The following CCDC116 variants were observed in gnomAD, a reference collection of about 807,000 sequenced individuals.
CCDC116 encodes the protein coiled-coil domain-containing protein 116.
A neutral mutation model predicts 29.4 loss-of-function variants in CCDC116; 24 were observed. The ratio of observed to expected loss-of-function variants is 0.82; its 90% CI spans 0.59 to 1.15. The LOEUF is 1.15. Ranked by LOEUF, CCDC116 falls within the 50% of genes most tolerant of loss-of-function variation. CCDC116 has a pLI of 0.00. For synonymous variants in CCDC116, 298 were observed against 331.4 expected, an observed-to-expected ratio of 0.90 and a Z score of 1.10; for missense variants, 791 against 804.0, an observed-to-expected ratio of 0.98 and a Z score of 0.20.
In CCDC116 at chr22:21,636,751, C is replaced by A; in HGVS notation, c.1523C>A (p.Ala508Asp). Reference sequence around the variant, plus strand: ...CGTAAACTGGAGGAGTCCAAAAGGGCCCGGCAGGCCTCCCGGCTCAGCACC... The same window carrying A: ...CGTAAACTGGAGGAGTCCAAAAGGGACCGGCAGGCCTCCCGGCTCAGCACC... ...LLRKLEESKRARQASRLSTSH... is the reference protein window; with the variant it reads ...LLRKLEESKRDRQASRLSTSH... The change falls in exon 5 of 5, where the codon GCC becomes GAC. Residue 508 changes from alanine to aspartate, a missense_variant. Ala to Asp is a moderately radical substitution (Grantham distance 126). Transcript: ENST00000292779. 6.2e-7 allele frequency: 1 copy of A among 1,612,950 alleles called. No individual in the cohort carries two copies. The highest frequency in any genetic ancestry group is 8.5e-7 in the Non-Finnish European group (1 of 1,180,006).
At chr22:21,635,302 C>A (rs774795455) in intron 4 of CCDC116, 36 bp downstream of exon 4, 3 of 1,529,568 alleles carry the variant, frequency 2.0e-6, no homozygotes, top group Middle Eastern at 1.7e-4. Flanking sequence ...TCCCCAGCCC[C>A]TCACTCCACT....
Position 21,633,400 on chromosome 22 carries a change from A to G in CCDC116, c.72+147A>G, listed in dbSNP as rs1185472187. ...AGTCCTTATTGCCTTGACTTCTCCT[A>G]TGTCCCCCACTGCTTGCCCCTGTCA... is the stretch of plus-strand genomic sequence containing the variant. On this transcript the variant is annotated intron_variant, in intron 2 of 4. Transcript: ENST00000292779. 4.7e-6 allele frequency: 3 copies of G among 634,958 alleles called. No homozygotes were observed. The African/African-American group carries it at 5.5e-5, about 12-fold the overall frequency. The allele number at this position is 634,958 out of a possible 1,614,324, so 39.3% of individuals were successfully genotyped here. A position where few individuals can be genotyped will look rare whatever the true frequency, so the allele number is the denominator to read the frequency against.
In CCDC116 at chr22:21,634,816, C is replaced by A. The variant is rs370484007; in HGVS notation, c.753C>A (p.Gly251=). 3 of 1,613,998 alleles carry A rather than the reference C, an allele frequency of 1.9e-6. No homozygotes were observed. Among genetic ancestry groups the A allele is most frequent in the South Asian group, 1.1e-5 (1 of 91,086 alleles). Residue 251 remains glycine (G), a synonymous_variant, in exon 4 of 5, where the codon GGC becomes GGA. Transcript: ENST00000292779. ...CAGGGCTGCTGGGCTCAAGCTCTGG[C>A]GTGCCTGAAGCATCAGAGCCGAGGC... ...WFSGLLGSSS[G]VPEASEPRPG... is the part of the protein sequence containing the mutation.
In CCDC116 at chr22:21,634,019, C is replaced by G. The variant is rs1005697000; in HGVS notation, c.73-3C>G. 1 of 1,598,842 alleles carries G rather than the reference C, an allele frequency of 6.3e-7. No individual in the cohort carries two copies. Among genetic ancestry groups the G allele is most frequent in the Non-Finnish European group, 8.5e-7 (1 of 1,172,334 alleles). On this transcript the variant is annotated splice_region_variant and splice_polypyrimidine_tract_variant and intron_variant, in intron 2 of 4. Transcript: ENST00000292779. ...GCCCCCTGTGACATACCTGTCTGCTCAGGTGCAGCTGCCCAAGAAGCCACT... is the reference window on the plus strand; with the variant it reads ...GCCCCCTGTGACATACCTGTCTGCTGAGGTGCAGCTGCCCAAGAAGCCACT...
At chr22:21,635,797 C>T in intron 4 of CCDC116, 1 of 585,554 alleles carries the variant, frequency 1.7e-6, no homozygotes, top group South Asian at 2.1e-5. Flanking sequence ...ATTTTTTATG[C>T]TGGGTATTTT....
At chr22:21,634,656 C>A in intron 3 of CCDC116, 29 bp from the exon 4 acceptor site, 1 of 1,576,510 alleles carries the variant, frequency 6.3e-7, no homozygotes, top group South Asian at 1.2e-5. Context: ...TGCTCCTGAA[C>A]ACTTCACAGA....
At chr22:21,635,623 C>A (rs1202590949) in intron 4 of CCDC116, 3 of 702,260 alleles carry the variant, frequency 4.3e-6, no homozygotes, top group Non-Finnish European at 7.8e-6. Flanking sequence ...AGGAGAAGGG[C>A]TCCTTGACCC....
In CCDC116 at chr22:21,634,811, T is replaced by C. The variant is rs747519581; in HGVS notation, c.748T>C (p.Ser250Pro). 6.2e-7 allele frequency: 1 copy of C among 1,613,960 alleles called. No homozygotes were observed. The highest frequency in any genetic ancestry group is 1.1e-5 in the South Asian group (1 of 91,082). ...SWFSGLLGSS[S>P]GVPEASEPRP... ...GTTCTCAGGGCTGCTGGGCTCAAGC[T>C]CTGGCGTGCCTGAAGCATCAGAGCC... The change falls in exon 4 of 5, where the codon TCT becomes CCT. Residue 250 changes from serine to proline, a missense_variant. Physicochemically the swap from Ser to Pro is moderately conservative, Grantham distance 74. Transcript: ENST00000292779.
intron 4 of CCDC116, among the ~76,000 whole-genome samples, chr22:21,636,136 A>C (rs531510129): frequency 2.2e-4 from 33 of 152,326 alleles, no homozygotes; most frequent in Middle Eastern, 3.4e-3. Flanking sequence ...CAAGGCTCAG[A>C]TTAGCCTTAC....
Position 21,636,520 on chromosome 22 carries a change from T to G in CCDC116, c.1292T>G (p.Leu431Arg), listed in dbSNP as rs1930808278. The G allele has an allele frequency of 1.9e-6, 3 of 1,614,038 alleles. No homozygotes were observed. The highest frequency in any genetic ancestry group is 1.1e-5 in the South Asian group (1 of 91,074). The part of the protein sequence containing the change: ...KSSMSHFSNR[L>R]YEELADFLTQ... ...AGCATGTCTCACTTCTCCAACCGCC[T>G]TTATGAGGAGCTCGCCGACTTCCTG... Residue 431 changes from leucine to arginine, a missense_variant, in exon 5 of 5, where the codon CTT becomes CGT. Transcript: ENST00000292779.
Position 21,636,842 on chromosome 22 carries a change from G to A in CCDC116, c.1614G>A (p.Gln538=). Residue 538 remains glutamine (Q), a synonymous_variant, in exon 5 of 5, where the codon CAG becomes CAA. Coordinates refer to ENST00000292779, the MANE Select transcript of CCDC116 (RefSeq NM_152612.3). ...CAGCCACCCACACTGCCCAGGACCA[G>A]GCCACAGAGCCCTGCCGCTCCCTCT... The part of the protein sequence containing the change: ...QEPATHTAQD[Q]ATEPCRSLYT... 6.2e-7 allele frequency: 1 copy of A among 1,613,398 alleles called. No individual in the cohort carries two copies. The highest frequency in any genetic ancestry group is 8.5e-7 in the Non-Finnish European group (1 of 1,180,006).
rs113567044 is a variant in CCDC116 at position 21,636,777 on chromosome 22, T to C, written c.1549T>C (p.Ser517Pro). Residue 517 changes from serine to proline, a missense_variant, in exon 5 of 5, where the codon TCC (serine) becomes CCC (proline). Ser to Pro is a moderately conservative substitution (Grantham distance 74). Transcript: ENST00000292779. The stretch of plus-strand genomic sequence containing the variant: ...CCGGCAGGCCTCCCGGCTCAGCACC[T>C]CCCACTGCAGCACAGAGACACCCTC... ...RARQASRLST[S>P]HCSTETPSVQ... 31 of 1,612,518 alleles carry C rather than the reference T, an allele frequency of 1.9e-5. No homozygotes were observed. Among genetic ancestry groups the C allele is most frequent in the Non-Finnish European group, 2.5e-5 (29 of 1,179,934 alleles).
In CCDC116 at chr22:21,636,951, C is replaced by A. The variant is rs1305994835; in HGVS notation, c.1723C>A (p.Pro575Thr). Residue 575 changes from proline to threonine, a missense_variant, in exon 5 of 5, where the codon CCC (proline) becomes ACC (threonine). Coordinates refer to ENST00000292779, the MANE Select transcript of CCDC116 (RefSeq NM_152612.3). ...TGCCTGCACCGGCATGGGTTCCAGT[C>A]CCCCCAAGTCCAAGGACATGGACAA... ...MSACTGMGSS[P>T]PKSKDMDNEG... 7 of 1,613,688 alleles carry A rather than the reference C, an allele frequency of 4.3e-6. No individual in the cohort carries two copies. The highest frequency in any genetic ancestry group is 5.9e-6 in the Non-Finnish European group (7 of 1,180,040).
In CCDC116 at chr22:21,633,235, C is replaced by G. The variant is rs375102961; in HGVS notation, c.54C>G (p.His18Gln). The change falls in exon 2 of 5, where the codon CAC (histidine) becomes CAG (glutamine). Residue 18 changes from histidine to glutamine, a missense_variant. Transcript: ENST00000292779. ...SGYLADDEAS[H>Q]SMCSARVQLP... ...ACCTGGCCGATGACGAGGCCAGCCA[C>G]TCCATGTGCAGTGCACGGGTAAGTG... The G allele has an allele frequency of 2.0e-5, 31 of 1,551,268 alleles. No homozygotes were observed. The highest frequency in any genetic ancestry group is 2.6e-5 in the Non-Finnish European group (30 of 1,147,130).
chr22:21,637,130 T>C lies in CCDC116; in HGVS notation c.*60T>C. On this transcript the variant is annotated 3_prime_UTR_variant, in exon 5 of 5. Coordinates refer to ENST00000292779, the MANE Select transcript of CCDC116 (RefSeq NM_152612.3). Reference sequence around the variant, plus strand: ...GCCACTCCGTGGACGTGGGCCACGGTGACCCACCATGAAGTCCCCACTAGC... The same window carrying C: ...GCCACTCCGTGGACGTGGGCCACGGCGACCCACCATGAAGTCCCCACTAGC... 1 of 1,495,160 alleles carries C rather than the reference T, an allele frequency of 6.7e-7. No individual in the cohort carries two copies. Among genetic ancestry groups the C allele is most frequent in the Non-Finnish European group, 8.9e-7 (1 of 1,121,386 alleles). The allele number at this position is 1,495,160 out of a possible 1,614,324, so 92.6% of individuals were successfully genotyped here.
chr22:21,633,015 T>C (rs777316606), intron 1 of CCDC116, 105 bp from the exon 2 acceptor site: 1 of 717,254 alleles, frequency 1.4e-6, no homozygotes, highest in South Asian at 1.5e-5. Flanking sequence ...AAGGGCTGGA[T>C]GCATGAAGGA....
Position 21,634,149 on chromosome 22 carries a change from C to T in CCDC116, c.200C>T (p.Pro67Leu), listed in dbSNP as rs750093674. 1.9e-6 allele frequency: 3 copies of T among 1,614,258 alleles called. No individual in the cohort carries two copies. The highest frequency in any genetic ancestry group is 2.5e-6 in the Non-Finnish European group (3 of 1,180,040). The change falls in exon 3 of 5, where the codon CCT becomes CTT. Residue 67 changes from proline (P) to leucine (L), a missense_variant. Coordinates refer to ENST00000292779, the MANE Select transcript of CCDC116 (RefSeq NM_152612.3). ...GGCCAACGCCGAAACAAGAGGCACCCTCAGCCCTTTGGCCACTTTCTGGAT... is the reference window on the plus strand; with the variant it reads ...GGCCAACGCCGAAACAAGAGGCACCTTCAGCCCTTTGGCCACTTTCTGGAT... Reference protein sequence around the residue: ...LQGQRRNKRHPQPFGHFLDFL... With the variant: ...LQGQRRNKRHLQPFGHFLDFL...
chr22:21,632,946 C>T (rs1430383401), intron 1 of CCDC116, 119 bp downstream of exon 1: 4 of 683,550 alleles, frequency 5.9e-6, no homozygotes, highest in African/African-American at 1.8e-5. Context: ...TCAGCGATTC[C>T]ACCCCGATGA....
rs748382633 is a variant in CCDC116 at position 21,634,964 on chromosome 22, C to A, written c.901C>A (p.Leu301Met). Residue 301 changes from leucine (L) to methionine (M), a missense_variant, in exon 4 of 5, where the codon CTG (leucine) becomes ATG (methionine). By Grantham distance (15) the Leu-to-Met change is conservative. Transcript: ENST00000292779. ...TCCGCTCCGTGAGCCCCATCGCACGCTGAACTTCCTGGCTGACCACCGCCT... is the reference window on the plus strand; with the variant it reads ...TCCGCTCCGTGAGCCCCATCGCACGATGAACTTCCTGGCTGACCACCGCCT... ...YCPLREPHRT[L>M]NFLADHRLFP... is the part of the protein sequence containing the mutation. 6.2e-7 allele frequency: 1 copy of A among 1,612,828 alleles called. No homozygotes were observed. The highest frequency in any genetic ancestry group is 8.5e-7 in the Non-Finnish European group (1 of 1,180,006).
Sources: gnomAD v4.1 joint callset for allele counts (sites outside exome capture counted in the v4.1 genomes callset) on GRCh38, gnomAD v4.1.1 for gene constraint, MANE v1.5 for transcripts, NCBI Gene and HGNC (gene_info 2026-07-23, HGNC 2026-07-21) for gene names.